The following PDE8B variants were observed in gnomAD, a reference collection of about 807,000 sequenced individuals.
PDE8B encodes phosphodiesterase 8B, also known as high affinity cAMP-specific and IBMX-insensitive 3',5'-cyclic phosphodiesterase 8B.
In PDE8B, 26 loss-of-function variants were observed where a neutral mutation model predicts 101.3. That is an observed-to-expected ratio of 0.26 (90% CI 0.19 to 0.36). The LOEUF (loss-of-function observed/expected upper bound fraction) is 0.36. Ranked by LOEUF, PDE8B falls within the 10% of genes least tolerant of loss-of-function variation. The pLI is 1.00. For synonymous variants in PDE8B, 424 were observed against 429.3 expected (o/e 0.99, Z 0.15); for missense variants, 810 against 1,163.1 (o/e 0.70, Z 4.42).
At chr5:77,142,047 T>A in the PDE8B span, 2 of 152,188 alleles carry the variant, frequency 1.3e-5, no homozygotes, top group Non-Finnish European at 2.9e-5. Flanking sequence ...ATATAAATTT[T>A]AAAAACACAG....
chr5:77,261,818 AC>A (rs750415256), intron 1 of PDE8B, among the ~76,000 whole-genome samples: 3 of 152,208 alleles, frequency 2.0e-5, no homozygotes, highest in Non-Finnish European at 4.4e-5. Flanking sequence ...TTAGAAGGCT[AC>A]CCCAGCTGTG....
At chr5:77,375,751 G>A (rs565695573) in intron 10 of PDE8B, among the ~76,000 whole-genome samples, 16 of 152,064 alleles carry the variant, frequency 1.1e-4, no homozygotes, top group Non-Finnish European at 1.8e-4. Context: ...CATTTTTATC[G>A]TGTCTGGAAG....
chr5:77,118,546 T>C, the PDE8B span: 28,994 of 395,610 alleles, frequency 0.073, 2,470 homozygotes, highest in African/African-American at 0.28. Context: ...TTTTTCTTTC[T>C]AAGCCATTTC....
chr5:77,402,264 T>C (rs1363981991), intron 11 of PDE8B, among the ~76,000 whole-genome samples: 1 of 151,836 alleles, frequency 6.6e-6, no homozygotes, highest in Non-Finnish European at 1.5e-5. Flanking sequence ...TGTAAAAATA[T>C]ATATATATAG....
intron 1 of PDE8B, among the ~76,000 whole-genome samples, chr5:77,215,257 T>C (rs1336997286): frequency 6.6e-6 from 1 of 152,228 alleles, no homozygotes; most frequent in Non-Finnish European, 1.5e-5. Flanking sequence ...AGGCTGGATG[T>C]TACATGATAC....
chr5:77,369,415 A>G (rs1349677972), intron 10 of PDE8B, among the ~76,000 whole-genome samples: 3 of 152,064 alleles, frequency 2.0e-5, no homozygotes, highest in Non-Finnish European at 2.9e-5. Context: ...CTGCTGGACA[A>G]GAGAAGCAGG....
At chr5:77,111,952 G>A in the PDE8B span, 1 of 151,874 alleles carries the variant, frequency 6.6e-6, no homozygotes. Flanking sequence ...TTCATCTCCT[G>A]TAAATCTTTT....
At chr5:77,255,146 T>G (rs1185904485) in intron 1 of PDE8B, among the ~76,000 whole-genome samples, 1 of 152,122 alleles carries the variant, frequency 6.6e-6, no homozygotes. Context: ...GGATCAGACT[T>G]GTTCTCAGTA....
intron 10 of PDE8B, among the ~76,000 whole-genome samples, chr5:77,367,599 C>T (rs576480744): frequency 6.8e-6 from 1 of 148,074 alleles, no homozygotes; most frequent in Non-Finnish European, 1.5e-5. Flanking sequence ...GGCGCAATCT[C>T]GACTCACTGC....
intron 21 of PDE8B, chr5:77,426,194 AG>A: frequency 1.7e-6 from 1 of 593,150 alleles, no homozygotes; most frequent in Non-Finnish European, 3.0e-6. Context: ...GGAAAACTCT[AG>A]AAAGAATGCA....
At chr5:77,424,014 G>A (rs1466810723) in intron 20 of PDE8B, among the ~76,000 whole-genome samples, 1 of 152,014 alleles carries the variant, frequency 6.6e-6, no homozygotes, top group Non-Finnish European at 1.5e-5. Context: ...AATCCAGTAA[G>A]TAGACTGCAG....
At chr5:77,153,698 C>T in the PDE8B span, among the ~76,000 whole-genome samples, 13 of 151,896 alleles carry the variant, frequency 8.6e-5, no homozygotes, top group South Asian at 1.0e-3. Context: ...CCTCAGCCTC[C>T]GGAGTAGCTG....
chr5:77,186,804 G>A, the PDE8B span, among the ~76,000 whole-genome samples: 3 of 152,108 alleles, frequency 2.0e-5, no homozygotes, highest in African/African-American at 7.2e-5. Flanking sequence ...ACCATAGTGC[G>A]CAGAGGGGAG....
At chr5:77,102,212 T>C in the PDE8B span, among the ~76,000 whole-genome samples, 116 of 152,312 alleles carry the variant, frequency 7.6e-4, 1 homozygote, top group African/African-American at 2.6e-3. Flanking sequence ...AGCTTCCCAC[T>C]TGGCAGCTCC....
At chr5:77,406,029 G>A (rs395882) in intron 12 of PDE8B, among the ~76,000 whole-genome samples, 127,786 of 152,136 alleles carry the variant, frequency 0.84, 54,158 homozygotes, top group African/African-American at 0.95. Context: ...GCTCATGCCT[G>A]TGATCCCAGC....
intron 1 of PDE8B, chr5:77,290,593 G>A: frequency 2.0e-6 from 3 of 1,506,216 alleles, no homozygotes; most frequent in Non-Finnish European, 1.8e-6. Flanking sequence ...TTGGAGATGG[G>A]GAAAATCTTA....
chr5:77,408,287 G>A (rs1170762694), intron 13 of PDE8B, among the ~76,000 whole-genome samples: 1 of 152,240 alleles, frequency 6.6e-6, no homozygotes, highest in Non-Finnish European at 1.5e-5. Flanking sequence ...TGAGCATGAA[G>A]TGCTTTCTTG....
intron 10 of PDE8B, among the ~76,000 whole-genome samples, chr5:77,367,746 G>A (rs1219042440): frequency 1.3e-5 from 2 of 152,116 alleles, no homozygotes; most frequent in African/African-American, 2.4e-5. Flanking sequence ...GGCCAGGATG[G>A]TCTCAATCTC....
rs535228945 is a variant in PDE8B at position 77,298,790 on chromosome 5, C to T, written c.340-13204C>T. Among the ~76,000 whole-genome samples, 9 of 152,312 alleles carry T rather than the reference C, an allele frequency of 5.9e-5. No homozygotes were observed. The East Asian group carries it at 1.7e-3, about 29-fold the overall frequency. ...GGCCTCAGCTCCGTGAATTGGTCTT[C>T]TTCCTTTAGATTGGTGCTTCTCAAA... On this transcript the variant is annotated intron_variant, in intron 1 of 21. Coordinates refer to ENST00000264917, the MANE Select transcript of PDE8B (RefSeq NM_003719.5).
Sources: gnomAD v4.1 joint callset for allele counts (sites outside exome capture counted in the v4.1 genomes callset) on GRCh38, gnomAD v4.1.1 for gene constraint, MANE v1.5 for transcripts, NCBI Gene and HGNC (gene_info 2026-07-23, HGNC 2026-07-21) for gene names.